SYT1: variants seen among roughly 807,000 people sequenced by gnomAD.
SYT1 encodes the protein synaptotagmin-1.
SYT1 carries 8 observed loss-of-function variants against 44.8 expected under a neutral mutation model. The ratio of observed to expected loss-of-function variants is 0.18; its 90% confidence interval spans 0.10 to 0.32. The LOEUF (loss-of-function observed/expected upper bound fraction) is 0.32, where lower values mean the gene tolerates loss of function less well. Among genes scored for constraint, SYT1 ranks in the 10% least tolerant of loss-of-function variants. The probability of loss-of-function intolerance (pLI) is 1.00; values close to 1 mark genes in which losing one functional copy is unlikely to be tolerated. For missense variants in SYT1, 286 were observed against 509.3 expected (o/e 0.56, Z 4.22); for synonymous variants, 154 against 188.8 (o/e 0.82, Z 1.51).
At chr12:79,045,231 C>G (rs1873935729) in intron 2 of SYT1, among the ~76,000 whole-genome samples, 1 of 152,224 alleles carries the variant, frequency 6.6e-6, no homozygotes, top group African/African-American at 2.4e-5. Flanking sequence ...TGGCTGCCGC[C>G]TTGCAGTTTG....
At chr12:79,373,501 A>C (rs12298591) in intron 9 of SYT1, among the ~76,000 whole-genome samples, 4,756 of 152,230 alleles carry the variant, frequency 0.031, 236 homozygotes, top group African/African-American at 0.11. Context: ...AATATGCCTC[A>C]CTTTTCTTTA....
chr12:79,292,598 G>C (rs1404343376), intron 6 of SYT1, among the ~76,000 whole-genome samples: 1 of 152,118 alleles, frequency 6.6e-6, no homozygotes, highest in Non-Finnish European at 1.5e-5. Flanking sequence ...ATTAATTCTT[G>C]TCCATTAAAT....
chr12:79,193,376 G>A (rs1592840822), intron 3 of SYT1, among the ~76,000 whole-genome samples: 1 of 152,218 alleles, frequency 6.6e-6, no homozygotes, highest in South Asian at 2.1e-4. Context: ...ACCATTACAA[G>A]GATTAGGATA....
chr12:79,132,080 T>C (rs955218960), intron 3 of SYT1, among the ~76,000 whole-genome samples: 1 of 152,150 alleles, frequency 6.6e-6, no homozygotes, highest in Non-Finnish European at 1.5e-5. Context: ...TTAAAGACTT[T>C]GTTACAACTA....
chr12:78,866,762 T>C (rs534676646), intron 1 of SYT1, among the ~76,000 whole-genome samples: 10 of 152,252 alleles, frequency 6.6e-5, no homozygotes, highest in African/African-American at 2.4e-4. Flanking sequence ...TCAGGGGAAA[T>C]GCAGAGTCTT....
chr12:79,097,954 C>T (rs1358683265), intron 3 of SYT1, among the ~76,000 whole-genome samples: 2 of 151,884 alleles, frequency 1.3e-5, no homozygotes, highest in African/African-American at 2.4e-5. Flanking sequence ...TACACATTTA[C>T]CTGAAATCTA....
chr12:78,923,066 A>AC (rs1288112775), intron 1 of SYT1, among the ~76,000 whole-genome samples: 6 of 151,894 alleles, frequency 4.0e-5, no homozygotes, highest in Non-Finnish European at 7.4e-5. Context: ...TGTAAGGAGC[A>AC]CCCCTTTTAA....
intron 8 of SYT1, among the ~76,000 whole-genome samples, chr12:79,326,355 T>C (rs1412954624): frequency 6.6e-6 from 1 of 152,180 alleles, no homozygotes; most frequent in African/African-American, 2.4e-5. Flanking sequence ...TGCATAAATG[T>C]GAATGACATT....
chr12:79,088,419 G>A (rs527943145), intron 3 of SYT1, among the ~76,000 whole-genome samples: 7 of 152,166 alleles, frequency 4.6e-5, no homozygotes, highest in East Asian at 1.9e-4. Flanking sequence ...GACATGCCAC[G>A]CACTGTTTTA....
At chr12:79,046,446 A>T (rs894237912) in intron 2 of SYT1, 2 of 152,170 alleles carry the variant, frequency 1.3e-5, no homozygotes, top group East Asian at 1.9e-4. Flanking sequence ...GAACTTATAT[A>T]AAAAGGTACT....
intron 1 of SYT1, among the ~76,000 whole-genome samples, chr12:78,933,448 T>C (rs2137219499): frequency 1.3e-5 from 2 of 152,310 alleles, no homozygotes; most frequent in African/African-American, 4.8e-5. Context: ...ATCATTGTTA[T>C]GGCTTCTATA....
intron 9 of SYT1, among the ~76,000 whole-genome samples, chr12:79,440,079 A>T (rs545696448): frequency 6.6e-6 from 1 of 152,224 alleles, no homozygotes; most frequent in African/African-American, 2.4e-5. Flanking sequence ...TACAAAAATT[A>T]GCTGGGCATG....
intron 3 of SYT1, among the ~76,000 whole-genome samples, chr12:79,188,387 C>G (rs1328608454): frequency 6.6e-6 from 1 of 152,070 alleles, no homozygotes; most frequent in African/African-American, 2.4e-5. Flanking sequence ...GATTTAAAAG[C>G]AATTTCTTCC....
intron 3 of SYT1, among the ~76,000 whole-genome samples, chr12:79,177,073 T>G (rs1871930776): frequency 6.9e-6 from 1 of 144,410 alleles, no homozygotes; most frequent in African/African-American, 2.6e-5. Flanking sequence ...TACTCTAAGT[T>G]TTAGGGTACA....
At chr12:79,441,708 T>A (rs1870432355) in intron 9 of SYT1, among the ~76,000 whole-genome samples, 1 of 152,166 alleles carries the variant, frequency 6.6e-6, no homozygotes, top group South Asian at 2.1e-4. Flanking sequence ...AAGCAACAGA[T>A]CAGCAGGTCC....
At chr12:79,095,046 T>C (rs561272027) in intron 3 of SYT1, among the ~76,000 whole-genome samples, 1 of 151,892 alleles carries the variant, frequency 6.6e-6, no homozygotes, top group African/African-American at 2.4e-5. Flanking sequence ...CACCCATACA[T>C]GAGGGCCTAA....
At chr12:78,873,389 T>C (rs1202148052) in intron 1 of SYT1, among the ~76,000 whole-genome samples, 1 of 151,732 alleles carries the variant, frequency 6.6e-6, no homozygotes, top group South Asian at 2.1e-4. Context: ...GATATACCAT[T>C]ATTTCTTCTG....
chr12:79,261,930 T>G (rs530868100), intron 4 of SYT1, among the ~76,000 whole-genome samples: 55 of 152,304 alleles, frequency 3.6e-4, no homozygotes, highest in African/African-American at 1.3e-3. Context: ...TATTTTACTC[T>G]CTTATTGTTA....
intron 3 of SYT1, among the ~76,000 whole-genome samples, chr12:79,111,603 A>G (rs747074391): frequency 2.0e-5 from 3 of 152,104 alleles, no homozygotes; most frequent in South Asian, 2.1e-4. Flanking sequence ...ATTTCAAAGT[A>G]TCTCACAGTT....
Sources: gnomAD v4.1 joint callset for allele counts (sites outside exome capture counted in the v4.1 genomes callset) on GRCh38, gnomAD v4.1.1 for gene constraint, MANE v1.5 for transcripts, NCBI Gene and HGNC (gene_info 2026-07-23, HGNC 2026-07-21) for gene names.